NBEA: variants seen among roughly 807,000 people sequenced by gnomAD.
NBEA encodes neurobeachin, also known as lysosomal-trafficking regulator 2.
NBEA carries 44 observed loss-of-function variants against 343.4 expected under a neutral mutation model. The ratio of observed to expected loss-of-function variants is 0.13; its 90% CI spans 0.10 to 0.16. The LOEUF (loss-of-function observed/expected upper bound fraction) is 0.16. NBEA is among the 10% of genes least tolerant of loss of function. NBEA has a pLI of 1.00. For missense variants in NBEA, 2,555 were observed against 3,631.3 expected (o/e 0.70, Z 7.62); for synonymous variants, 1,175 against 1,238.7 (o/e 0.95, Z 1.08).
At chr13:35,541,840 T>C (rs565646277) in intron 41 of NBEA, among the ~76,000 whole-genome samples, 104 of 152,142 alleles carry the variant, frequency 6.8e-4, no homozygotes, top group Non-Finnish European at 8.4e-4. Flanking sequence ...AAGCATTTCC[T>C]GTGTGCCAGG....
At chr13:35,284,907 G>A (rs889549032) in intron 34 of NBEA, among the ~76,000 whole-genome samples, 4 of 152,000 alleles carry the variant, frequency 2.6e-5, no homozygotes, top group African/African-American at 4.8e-5. Flanking sequence ...AAGTATTACA[G>A]GAGTCTAAAA....
intron 1 of NBEA, among the ~76,000 whole-genome samples, chr13:35,036,794 CTT>C (rs1300014137): frequency 1.3e-5 from 2 of 152,012 alleles, no homozygotes; most frequent in Non-Finnish European, 2.9e-5. Flanking sequence ...TTTGTATGTT[CTT>C]GTTTCTTTTC....
chr13:35,414,518 A>T (rs2152919175), intron 38 of NBEA, among the ~76,000 whole-genome samples: 1 of 152,152 alleles, frequency 6.6e-6, no homozygotes, highest in African/African-American at 2.4e-5. Flanking sequence ...GCTCAGAATG[A>T]TGGTTTCCAG....
chr13:35,542,065 A>G (rs1468488546), intron 41 of NBEA, among the ~76,000 whole-genome samples: 3 of 152,006 alleles, frequency 2.0e-5, no homozygotes, highest in African/African-American at 7.2e-5. Flanking sequence ...AAATTGATGA[A>G]TTAGAGAAAA....
intron 38 of NBEA, among the ~76,000 whole-genome samples, chr13:35,419,865 A>G (rs9530557): frequency 0.37 from 56,257 of 151,806 alleles, 10,651 homozygotes; most frequent in East Asian, 0.63. Context: ...GTCCCACAGT[A>G]TAGTAGGGTA....
At chr13:35,150,697 C>T (rs2068719277) in intron 18 of NBEA, among the ~76,000 whole-genome samples, 1 of 151,914 alleles carries the variant, frequency 6.6e-6, no homozygotes, top group Non-Finnish European at 1.5e-5. Flanking sequence ...TTAATCTCAG[C>T]AATGCATCAG....
chr13:35,123,521 T>A lies in NBEA; in HGVS notation c.2283T>A (p.Ile761=). 1 of 1,542,466 alleles carries A rather than the reference T, an allele frequency of 6.5e-7. No homozygotes were observed. Among genetic ancestry groups the A allele is most frequent in the East Asian group, 2.3e-5 (1 of 43,246 alleles). The part of the protein sequence containing the change: ...YKLLASKSES[I]WVQALKVLGY... ...TATTGGCTTCTAAAAGTGAAAGTATTTGGGTTCAAGCTTTGAAGGTTCTGG... is the reference window on the plus strand; with the variant it reads ...TATTGGCTTCTAAAAGTGAAAGTATATGGGTTCAAGCTTTGAAGGTTCTGG... The change falls in exon 17 of 59, where the codon ATT becomes ATA. Residue 761 remains isoleucine, a synonymous_variant. Transcript: ENST00000379939.
chr13:35,670,766 A>G (rs1420987262), intron 58 of NBEA, 135 bp from the exon 59 acceptor site: 16 of 651,504 alleles, frequency 2.5e-5, no homozygotes, highest in Non-Finnish European at 4.0e-5. Flanking sequence ...TGAATACAAA[A>G]TTAAGACTTG....
At chr13:34,943,313 C>A (rs2059089318) in intron 1 of NBEA, among the ~76,000 whole-genome samples, 199 bp downstream of exon 1, 1 of 152,150 alleles carries the variant, frequency 6.6e-6, no homozygotes, top group Non-Finnish European at 1.5e-5. Flanking sequence ...TCTCCTCTTT[C>A]TGGTCCTCTC....
intron 49 of NBEA, among the ~76,000 whole-genome samples, chr13:35,639,817 T>C (rs1384959453): frequency 6.6e-6 from 1 of 152,118 alleles, no homozygotes; most frequent in Non-Finnish European, 1.5e-5. Flanking sequence ...TGAAAAACAA[T>C]TTAAAAGTTT....
At chr13:35,237,116 G>T (rs768428149) in intron 34 of NBEA, among the ~76,000 whole-genome samples, 2 of 152,016 alleles carry the variant, frequency 1.3e-5, no homozygotes, top group African/African-American at 4.8e-5. Flanking sequence ...AATTACTCAG[G>T]CCTGGTGACA....
intron 36 of NBEA, among the ~76,000 whole-genome samples, chr13:35,321,604 C>G (rs768744810): frequency 5.9e-5 from 9 of 152,014 alleles, no homozygotes; most frequent in Non-Finnish European, 1.2e-4. Flanking sequence ...CACTCTGTCC[C>G]TTAGCAGAGC....
At chr13:35,633,891 G>A (rs1421515634) in intron 49 of NBEA, among the ~76,000 whole-genome samples, 1 of 152,044 alleles carries the variant, frequency 6.6e-6, no homozygotes, top group Non-Finnish European at 1.5e-5. Context: ...ATATTATTTA[G>A]TAAAAAGAAG....
intron 28 of NBEA, among the ~76,000 whole-genome samples, chr13:35,180,986 G>A (rs1268345517): frequency 6.6e-6 from 1 of 151,808 alleles, no homozygotes; most frequent in Non-Finnish European, 1.5e-5. Context: ...CCAGGTTGCT[G>A]CGAATGCCAT....
intron 1 of NBEA, among the ~76,000 whole-genome samples, chr13:34,978,209 C>G (rs888250466): frequency 6.6e-6 from 1 of 152,180 alleles, no homozygotes; most frequent in Non-Finnish European, 1.5e-5. Context: ...TTCTGGAAGA[C>G]TCTTAAGTCA....
intron 36 of NBEA, among the ~76,000 whole-genome samples, chr13:35,310,879 A>G (rs2037315672): frequency 6.6e-6 from 1 of 152,200 alleles, no homozygotes; most frequent in Non-Finnish European, 1.5e-5. Flanking sequence ...TAGTTTCTAT[A>G]TGGTATAGAT....
chr13:35,372,543 C>T (rs1015247291), intron 38 of NBEA, among the ~76,000 whole-genome samples: 1 of 152,064 alleles, frequency 6.6e-6, no homozygotes, highest in South Asian at 2.1e-4. Context: ...TTTCCGCAGC[C>T]CCCCAGTGAA....
intron 38 of NBEA, among the ~76,000 whole-genome samples, chr13:35,375,670 A>C (rs1277481495): frequency 2.0e-5 from 3 of 152,170 alleles, no homozygotes; most frequent in Non-Finnish European, 4.4e-5. Context: ...CAAGGTGACA[A>C]GTTAACTTGT....
Position 35,615,213 on chromosome 13 carries a change from T to G in NBEA, c.7449+8635T>G, listed in dbSNP as rs556662011. ...TCGGGAGGCTGAGTGAGAGAATCAC[T>G]TGAGCCCAGGTGGACAGTGAGGCAA... is the stretch of plus-strand genomic sequence containing the variant. On this transcript the variant is annotated intron_variant, in intron 48 of 58. Transcript: ENST00000379939. 4.3e-4 allele frequency among the ~76,000 whole-genome samples: 64 copies of G among 150,054 alleles called. 1 individual carries two copies. The highest frequency in any genetic ancestry group is 3.7e-3 in the Admixed American group (55 of 15,062).
Sources: allele counts gnomAD v4.1 joint callset (sites outside exome capture counted in the v4.1 genomes callset), GRCh38; gene constraint gnomAD v4.1.1; transcripts MANE v1.5; gene names NCBI Gene and HGNC (gene_info 2026-07-23, HGNC 2026-07-21).